FBXW7: variants seen among roughly 807,000 people sequenced by gnomAD.
FBXW7 encodes the protein F-box and WD repeat domain containing 7, also known as F-box/WD repeat-containing protein 7.
Under a neutral mutation model 86.3 loss-of-function variants are expected in FBXW7, and 11 were observed. That is an observed-to-expected ratio of 0.13 (90% confidence interval 0.08 to 0.21). The LOEUF is 0.21. Among genes scored for constraint, FBXW7 ranks in the 10% least tolerant of loss-of-function variants. The pLI, the probability that FBXW7 is intolerant of heterozygous loss-of-function variation, is 1.00. For synonymous variants in FBXW7, 313 were observed against 297.9 expected (o/e 1.05, Z -0.52); for missense variants, 488 against 847.4 (o/e 0.58, Z 5.27).
chr4:152,373,068 T>C (rs1386553317), intron 4 of FBXW7, among the ~76,000 whole-genome samples: 1 of 151,986 alleles, frequency 6.6e-6, no homozygotes, highest in Non-Finnish European at 1.5e-5. Context: ...TTAAAACATT[T>C]GGACACTAAG....
At chr4:152,491,735 T>A (rs1310700999) in intron 2 of FBXW7, among the ~76,000 whole-genome samples, 1 of 152,072 alleles carries the variant, frequency 6.6e-6, no homozygotes, top group Non-Finnish European at 1.5e-5. Flanking sequence ...ATGGAAAACT[T>A]TGAACACACA....
At position 152,322,766 on chromosome 4, in the gene FBXW7, T is replaced by C; in HGVS notation, c.*115A>G. On this transcript the variant is annotated 3_prime_UTR_variant, in exon 14 of 14. Transcript: ENST00000281708. ...AATCTGTTGCCCCAAGCCAACATCC[T>C]GCACCACTGAGAACAAGGGATTTTT... 1 of 1,500,396 alleles carries C rather than the reference T, an allele frequency of 6.7e-7. No homozygotes were observed. Among genetic ancestry groups the C allele is most frequent in the Non-Finnish European group, 8.9e-7 (1 of 1,127,098 alleles). The allele number at this position is 1,500,396 out of a possible 1,614,324, so 92.9% of individuals were successfully genotyped here.
intron 2 of FBXW7, among the ~76,000 whole-genome samples, chr4:152,425,952 T>G (rs989487988): frequency 2.0e-5 from 3 of 152,184 alleles, no homozygotes; most frequent in African/African-American, 7.2e-5. Flanking sequence ...TGTCTCAGTT[T>G]TAGCTCCAGG....
At chr4:152,487,347 C>G (rs796949915) in intron 2 of FBXW7, among the ~76,000 whole-genome samples, 3 of 152,124 alleles carry the variant, frequency 2.0e-5, no homozygotes, top group African/African-American at 7.2e-5. Context: ...AGTAATCAAA[C>G]TAAACATCAT....
At chr4:152,402,945 T>C (rs1048377017) in intron 4 of FBXW7, among the ~76,000 whole-genome samples, 2 of 152,206 alleles carry the variant, frequency 1.3e-5, no homozygotes, top group African/African-American at 4.8e-5. Context: ...TATTCCTTTG[T>C]AATGACCTCA....
intron 2 of FBXW7, among the ~76,000 whole-genome samples, chr4:152,516,206 G>GTA (rs1457637572): frequency 6.6e-6 from 1 of 152,246 alleles, no homozygotes; most frequent in Non-Finnish European, 1.5e-5. Context: ...TTAATTTGCT[G>GTA]TAGAGCAGGG....
At chr4:152,450,301 A>G (rs1415456838) in intron 2 of FBXW7, among the ~76,000 whole-genome samples, 2 of 152,222 alleles carry the variant, frequency 1.3e-5, no homozygotes, top group African/African-American at 4.8e-5. Flanking sequence ...TGCTGCACAG[A>G]ATTTTAAATC....
chr4:152,521,875 A>T (rs1164994151), intron 2 of FBXW7, among the ~76,000 whole-genome samples: 3 of 140,292 alleles, frequency 2.1e-5, no homozygotes, highest in Non-Finnish European at 4.5e-5. Flanking sequence ...CTGGAGTGCA[A>T]TGGCGCGATC....
chr4:152,377,949 A>G (rs1248626447), intron 4 of FBXW7, among the ~76,000 whole-genome samples: 1 of 152,182 alleles, frequency 6.6e-6, no homozygotes, highest in Non-Finnish European at 1.5e-5. Flanking sequence ...AAAATTTACT[A>G]CAGTACTGTT....
At chr4:152,399,532 C>G (rs1253074517) in intron 4 of FBXW7, among the ~76,000 whole-genome samples, 1 of 152,016 alleles carries the variant, frequency 6.6e-6, no homozygotes, top group Admixed American at 6.6e-5. Context: ...ATAACACTGT[C>G]TTTTTTGGCA....
At position 152,322,310 on chromosome 4, in the gene FBXW7, T is replaced by C. The variant is rs1457218206; in HGVS notation, c.*571A>G. On this transcript the variant is annotated 3_prime_UTR_variant, in exon 14 of 14. Transcript: ENST00000281708. ...AGGCTAATACTGTGATTGATTGACA[T>C]TGGCAATGGTTGGCAAAAAAAAAAA... is the stretch of plus-strand genomic sequence containing the variant. 3 of 211,994 alleles carry C rather than the reference T, an allele frequency of 1.4e-5. No individual in the cohort carries two copies. Among genetic ancestry groups the C allele is most frequent in the Non-Finnish European group, 2.7e-5 (3 of 112,678 alleles). The allele number at this position is 211,994 out of a possible 1,614,324, so 13.1% of individuals were successfully genotyped here.
chr4:152,471,355 G>GGGAGGGAAGGAA (rs201299299), intron 2 of FBXW7, among the ~76,000 whole-genome samples: 10 of 148,494 alleles, frequency 6.7e-5, no homozygotes, highest in African/African-American at 2.2e-4. Flanking sequence ...TACAATTACA[G>GGGAGGGAAGGAA]GGAGGGAAGG....
At chr4:152,507,568 T>A (rs916911567) in intron 2 of FBXW7, among the ~76,000 whole-genome samples, 6 of 152,158 alleles carry the variant, frequency 3.9e-5, no homozygotes, top group Non-Finnish European at 8.8e-5. Context: ...TGTGTCCAGA[T>A]CATCTAACAC....
At chr4:152,482,694 G>C (rs141550215) in intron 2 of FBXW7, among the ~76,000 whole-genome samples, 98 of 152,128 alleles carry the variant, frequency 6.4e-4, no homozygotes, top group African/African-American at 2.2e-3. Context: ...GAACAGGGTG[G>C]GGGGAGAGAT....
intron 2 of FBXW7, among the ~76,000 whole-genome samples, chr4:152,416,268 A>G (rs1039319444): frequency 1.3e-5 from 2 of 152,210 alleles, no homozygotes; most frequent in African/African-American, 4.8e-5. Flanking sequence ...CCAGGTCACA[A>G]ACACAACGTC....
rs188001067 is a variant in FBXW7, at chr4:152,381,320, C to T, written c.501+29983G>A. On this transcript the variant is annotated intron_variant, in intron 4 of 13. Transcript: ENST00000281708. The stretch of plus-strand genomic sequence containing the variant: ...GAAAAAGTACAATACAATTATGTGT[C>T]AATTAAAAACAAAATAAAACTTTAA... Among the ~76,000 whole-genome samples the T allele has an allele frequency of 1.2e-3, 187 of 152,002 alleles. 1 individual carries two copies. The highest frequency in any genetic ancestry group is 4.4e-3 in the African/African-American group (182 of 41,478).
intron 4 of FBXW7, among the ~76,000 whole-genome samples, chr4:152,382,007 T>TA (rs1208088790): frequency 1.3e-5 from 2 of 152,206 alleles, no homozygotes; most frequent in African/African-American, 4.8e-5. Context: ...TGGGTAACCC[T>TA]ATCTTCTAGG....
At chr4:152,406,788 ATCC>A (rs548579487) in intron 4 of FBXW7, among the ~76,000 whole-genome samples, 14 of 152,168 alleles carry the variant, frequency 9.2e-5, no homozygotes, top group Non-Finnish European at 1.9e-4. Flanking sequence ...TACTCTTCTA[ATCC>A]TCCTATGTAC....
chr4:152,460,240 T>A (rs1173189105), intron 2 of FBXW7, among the ~76,000 whole-genome samples: 1 of 152,210 alleles, frequency 6.6e-6, no homozygotes, highest in Non-Finnish European at 1.5e-5. Flanking sequence ...TAGAAGACTA[T>A]TAACACGTTA....
Sources: allele counts gnomAD v4.1 joint callset (sites outside exome capture counted in the v4.1 genomes callset), GRCh38; gene constraint gnomAD v4.1.1; transcripts MANE v1.5; gene names NCBI Gene and HGNC (gene_info 2026-07-23, HGNC 2026-07-21).